The following SLC24A2 variants were observed in gnomAD, a reference collection of about 807,000 sequenced individuals.
SLC24A2 encodes the protein solute carrier family 24 member 2, also known as sodium/potassium/calcium exchanger 2.
A neutral mutation model predicts 62.0 loss-of-function variants in SLC24A2; 36 were observed. That is an observed-to-expected ratio of 0.58 (90% CI 0.44 to 0.77). The LOEUF (loss-of-function observed/expected upper bound fraction) is 0.77, where lower values mean the gene tolerates loss of function less well. Ranked by LOEUF, SLC24A2 falls within the 30% of genes least tolerant of loss-of-function variation. SLC24A2 has a pLI of 0.00. For missense variants in SLC24A2, 846 were observed against 817.9 expected (o/e 1.03, Z -0.42); for synonymous variants, 358 against 294.0 (o/e 1.22, Z -2.23).
the SLC24A2 span, among the ~76,000 whole-genome samples, chr9:20,095,538 CCT>C: frequency 1.3e-5 from 2 of 152,162 alleles, no homozygotes; most frequent in South Asian, 2.1e-4. Flanking sequence ...GAAAATTCCC[CCT>C]GACTGCTGGG....
the SLC24A2 span, among the ~76,000 whole-genome samples, chr9:19,878,933 T>G: frequency 1.3e-5 from 2 of 152,042 alleles, no homozygotes; most frequent in African/African-American, 4.8e-5. Context: ...TTCAAAATAA[T>G]TCTCTCTAGA....
the SLC24A2 span, among the ~76,000 whole-genome samples, chr9:19,829,802 TATATATATACAC>T: frequency 8.4e-4 from 28 of 33,238 alleles, no homozygotes; most frequent in East Asian, 4.1e-3. Flanking sequence ...TGTGTGTATA[TATATATATACAC>T]ACACACACAC....
chr9:19,573,380 A>G lies in SLC24A2; in HGVS notation c.1318T>C (p.Ser440Pro), dbSNP rs759076562. Residue 440 changes from serine (S) to proline (P), a missense_variant, in exon 7 of 11, where the codon TCC becomes CCC. By Grantham distance (74) the Ser-to-Pro change is moderately conservative (BLOSUM62 -1). Coordinates refer to ENST00000341998, the MANE Select transcript of SLC24A2 (RefSeq NM_020344.4). Reference protein sequence around the residue: ...ASEPVQNGNLSHNIEGAEAQT... With the variant: ...ASEPVQNGNLPHNIEGAEAQT... ...GCTTCTGCACCTTCAATGTTGTGGG[A>G]GAGATTTCCATTTTGTACAGGTTCT... The G allele has an allele frequency of 1.2e-6, 2 of 1,613,020 alleles. No homozygotes were observed. Among genetic ancestry groups the G allele is most frequent in the Non-Finnish European group, 1.7e-6 (2 of 1,179,076 alleles).
chr9:19,909,888 G>A, the SLC24A2 span, among the ~76,000 whole-genome samples: 2 of 151,940 alleles, frequency 1.3e-5, no homozygotes, highest in Non-Finnish European at 2.9e-5. Flanking sequence ...CTTTGTTATG[G>A]CCTTATTCCT....
chr9:20,097,977 C>T, the SLC24A2 span, among the ~76,000 whole-genome samples: 2 of 151,636 alleles, frequency 1.3e-5, no homozygotes, highest in African/African-American at 2.4e-5. Flanking sequence ...CTCCTGACCT[C>T]GTGATTCGCC....
chr9:19,790,711 G>C (rs915433822), upstream of SLC24A2, among the ~76,000 whole-genome samples: 1 of 152,064 alleles, frequency 6.6e-6, no homozygotes, highest in Non-Finnish European at 1.5e-5. Flanking sequence ...CATTTATTTT[G>C]CCTTTTCTAT....
the SLC24A2 span, among the ~76,000 whole-genome samples, chr9:20,139,380 A>G: frequency 6.6e-6 from 1 of 152,158 alleles, no homozygotes; most frequent in South Asian, 2.1e-4. Context: ...ATATATACCT[A>G]AAAAGACTAT....
At chr9:19,649,404 T>G (rs991438926) in intron 2 of SLC24A2, among the ~76,000 whole-genome samples, 4 of 152,204 alleles carry the variant, frequency 2.6e-5, no homozygotes, top group African/African-American at 7.2e-5. Flanking sequence ...TAGTGCACTT[T>G]TAAAAAGAAA....
At chr9:19,608,992 C>G (rs974843552) in intron 4 of SLC24A2, among the ~76,000 whole-genome samples, 2 of 152,186 alleles carry the variant, frequency 1.3e-5, no homozygotes, top group African/African-American at 4.8e-5. Context: ...GGCTCCTTAC[C>G]TCCTTCAAGA....
At chr9:20,245,972 G>C in the SLC24A2 span, among the ~76,000 whole-genome samples, 26,299 of 152,006 alleles carry the variant, frequency 0.17, 3,256 homozygotes, top group African/African-American at 0.35. Flanking sequence ...TTAGTATAAG[G>C]GGGAGCCAGG....
chr9:19,977,467 TAGAG>T, the SLC24A2 span, among the ~76,000 whole-genome samples: 1 of 152,092 alleles, frequency 6.6e-6, no homozygotes, highest in Non-Finnish European at 1.5e-5. Flanking sequence ...GAGCATGAGC[TAGAG>T]AGAATGATGG....
At chr9:20,068,316 C>T in the SLC24A2 span, among the ~76,000 whole-genome samples, 8 of 152,006 alleles carry the variant, frequency 5.3e-5, no homozygotes, top group African/African-American at 1.9e-4. Context: ...CCTGCCTTGG[C>T]CTCCCAAAGT....
the SLC24A2 span, among the ~76,000 whole-genome samples, chr9:20,035,356 T>A: frequency 3.7e-4 from 56 of 152,320 alleles, no homozygotes; most frequent in African/African-American, 1.3e-3. Flanking sequence ...CCAGGATTAA[T>A]CATTTTGAAC....
the SLC24A2 span, among the ~76,000 whole-genome samples, chr9:20,261,222 C>T: frequency 6.6e-5 from 10 of 152,216 alleles, no homozygotes; most frequent in South Asian, 2.1e-3. Flanking sequence ...TGAGAACATA[C>T]AATGTCTGGT....
the SLC24A2 span, among the ~76,000 whole-genome samples, chr9:19,811,389 C>T: frequency 6.6e-6 from 1 of 152,172 alleles, no homozygotes; most frequent in Non-Finnish European, 1.5e-5. Flanking sequence ...ATTTCAGTTA[C>T]ATTACTGAAC....
chr9:20,041,158 G>A, the SLC24A2 span, among the ~76,000 whole-genome samples: 16 of 151,860 alleles, frequency 1.1e-4, no homozygotes, highest in South Asian at 1.7e-3. Flanking sequence ...GTACGCGTGC[G>A]CGCGTGCGCA....
chr9:20,133,432 A>G, the SLC24A2 span, among the ~76,000 whole-genome samples: 2 of 152,174 alleles, frequency 1.3e-5, no homozygotes, highest in Non-Finnish European at 2.9e-5. Context: ...ACTTTAAAAA[A>G]TCAGTTTTTC....
the SLC24A2 span, among the ~76,000 whole-genome samples, chr9:20,129,536 C>A: frequency 6.6e-6 from 1 of 151,982 alleles, no homozygotes; most frequent in Admixed American, 6.6e-5. Flanking sequence ...TAAATGACCA[C>A]CAGCTGATGA....
At chr9:19,737,983 C>T (rs1295858305) in intron 2 of SLC24A2, among the ~76,000 whole-genome samples, 3 of 152,172 alleles carry the variant, frequency 2.0e-5, no homozygotes, top group Non-Finnish European at 1.5e-5. Flanking sequence ...CAAAATATTG[C>T]TCAGATGGCA....
Sources: allele counts gnomAD v4.1 joint callset (sites outside exome capture counted in the v4.1 genomes callset), GRCh38; gene constraint gnomAD v4.1.1; transcripts MANE v1.5; gene names NCBI Gene and HGNC (gene_info 2026-07-23, HGNC 2026-07-21).